The following OR8J1 variants were observed in gnomAD, a reference collection of about 807,000 sequenced individuals.
The protein encoded by OR8J1 is olfactory receptor family 8 subfamily J member 1, also known as olfactory receptor 8J1.
For missense variants in OR8J1, 400 were observed against 373.0 expected, an observed-to-expected ratio of 1.07 and a Z score of -0.60; for synonymous variants, 157 against 144.3, an observed-to-expected ratio of 1.09 and a Z score of -0.63.
At position 56,360,736 on chromosome 11, in the gene OR8J1, T is replaced by A. The variant is rs771484146; in HGVS notation, c.490T>A (p.Phe164Ile). The A allele has an allele frequency of 6.2e-7, 1 of 1,607,842 alleles. No homozygotes were observed. Among genetic ancestry groups the A allele is most frequent in the South Asian group, 1.1e-5 (1 of 90,168 alleles). The change falls in exon 2 of 2, where the codon TTC becomes ATC. Residue 164 changes from phenylalanine (F) to isoleucine (I), a missense_variant. Phe to Ile is a conservative substitution (Grantham distance 21). Transcript: ENST00000533152. ...STAIVVSSYV[F>I]SVSYCSSNII... ...AGCTATTGTGGTTTCATCTTATGTA[T>A]TCTCTGTGTCTTATTGCTCTTCTAA...
chr11:56,354,428 T>C lies in OR8J1; in HGVS notation c.-21+103T>C, dbSNP rs894790142. On this transcript the variant is annotated intron_variant, in intron 1 of 1. Transcript: ENST00000533152. ...AGCCAAGGTATGGTTTTGGATCTTT[T>C]AAAGCTCATTATACAGAAATATGAT... The C allele has an allele frequency of 3.9e-5, 6 of 152,220 alleles. No individual in the cohort carries two copies. The South Asian group carries it at 1.2e-3, about 32-fold the overall frequency. 9.4% of individuals were successfully genotyped at this position (152,220 alleles called of 1,614,324 possible).
At chr11:56,357,140 T>C (rs1854978686) in intron 1 of OR8J1, among the ~76,000 whole-genome samples, 1 of 152,170 alleles carries the variant, frequency 6.6e-6, no homozygotes, top group South Asian at 2.1e-4. Flanking sequence ...TTTTAAAATT[T>C]CCATTCCTGC....
intron 1 of OR8J1, chr11:56,358,160 A>G: frequency 2.8e-6 from 1 of 351,668 alleles, no homozygotes; most frequent in Non-Finnish European, 5.3e-6. Context: ...CAGAAGAAAG[A>G]TTGGGTAGCT....
intron 1 of OR8J1, among the ~76,000 whole-genome samples, chr11:56,358,904 G>T (rs1293357970): frequency 6.6e-6 from 1 of 152,098 alleles, no homozygotes. Flanking sequence ...TTTGGTTTGA[G>T]AATCAAACTG....
rs757014604 is a variant in OR8J1 at position 56,360,871 on chromosome 11, G to T, written c.625G>T (p.Gly209Cys). Residue 209 changes from glycine to cysteine, a missense_variant, in exon 2 of 2, where the codon GGT becomes TGT. Transcript: ENST00000533152. ...VFISAATNVV[G>C]SLIIVLVSYF... ...TATATCTGCAGCAACAAATGTGGTT[G>T]GTTCCTTGATTATAGTTCTAGTATC... The T allele has an allele frequency of 2.7e-6, 4 of 1,496,238 alleles. No individual in the cohort carries two copies. The highest frequency in any genetic ancestry group is 2.4e-5 in the Admixed American group (1 of 40,998). 92.7% of individuals were successfully genotyped at this position (1,496,238 alleles called of 1,614,324 possible).
chr11:56,355,485 G>A (rs1187903770), intron 1 of OR8J1, among the ~76,000 whole-genome samples: 1 of 151,960 alleles, frequency 6.6e-6, no homozygotes, highest in South Asian at 2.1e-4. Context: ...AAAATTAGCT[G>A]GATATGGTGG....
Position 56,360,462 on chromosome 11 carries a change from T to C in OR8J1, c.216T>C (p.Gly72=). The change falls in exon 2 of 2, where the codon GGT becomes GGC. Residue 72 remains glycine, a synonymous_variant. Coordinates refer to ENST00000533152, the MANE Select transcript of OR8J1 (RefSeq NM_001005205.3). The part of the protein sequence containing the change: ...FLQHLALINL[G]NSTVIAPKML... ...AACATCTGGCTCTCATTAATCTTGG[T>C]AACTCTACTGTCATTGCCCCTAAAA... is the stretch of plus-strand genomic sequence containing the variant. The C allele has an allele frequency of 1.2e-6, 2 of 1,614,166 alleles. No individual in the cohort carries two copies. The highest frequency in any genetic ancestry group is 1.7e-6 in the Non-Finnish European group (2 of 1,180,012).
chr11:56,360,211 C>T lies in OR8J1; in HGVS notation c.-20-16C>T, dbSNP rs946389427. On this transcript the variant is annotated splice_polypyrimidine_tract_variant and intron_variant, in intron 1 of 1. Coordinates refer to ENST00000533152, the MANE Select transcript of OR8J1 (RefSeq NM_001005205.3). ...TAATTCTTTAAAGTTTTTAACCTCT[C>T]TTTTCCCCCAAACAGATGAATTTCC... 2 of 1,509,534 alleles carry T rather than the reference C, an allele frequency of 1.3e-6. No individual in the cohort carries two copies. The highest frequency in any genetic ancestry group is 2.6e-5 in the South Asian group (2 of 75,656). The allele number at this position is 1,509,534 out of a possible 1,614,324, so 93.5% of individuals were successfully genotyped here. A position where few individuals can be genotyped will look rare whatever the true frequency, so the allele number is the denominator to read the frequency against.
At position 56,360,299 on chromosome 11, in the gene OR8J1, C is replaced by G. The variant is rs759396550; in HGVS notation, c.53C>G (p.Ser18Cys). 2 of 1,609,404 alleles carry G rather than the reference C, an allele frequency of 1.2e-6. No homozygotes were observed. The highest frequency in any genetic ancestry group is 1.7e-5 in the Admixed American group (1 of 58,836). ...RVTEFILTGVSSCPELQIPLF... is the reference protein window; with the variant it reads ...RVTEFILTGVCSCPELQIPLF... ...ACTGAGTTTATTCTTACAGGTGTCT[C>G]TAGCTGTCCAGAGCTCCAGATTCCC... Residue 18 changes from serine (S) to cysteine (C), a missense_variant, in exon 2 of 2, where the codon TCT becomes TGT. Ser to Cys is a moderately radical substitution (Grantham distance 112). Transcript: ENST00000533152.
chr11:56,357,517 CTTATGGCTGTATAGAGGG>C, intron 1 of OR8J1: 1 of 850,222 alleles, frequency 1.2e-6, no homozygotes, highest in South Asian at 1.3e-5. Context: ...TGTCAGATTG[CTTATGGCTGTATAGAGGG>C]GAATGTGATA....
chr11:56,360,149 G>A, intron 1 of OR8J1, 78 bp from the exon 2 acceptor site: 1 of 887,788 alleles, frequency 1.1e-6, no homozygotes. Context: ...AATGTTATCA[G>A]GGAATTGTCC....
intron 1 of OR8J1, chr11:56,357,491 A>T (rs989782625): frequency 1.2e-6 from 1 of 858,654 alleles, no homozygotes; most frequent in African/African-American, 1.6e-5. Flanking sequence ...TTCATGTAAT[A>T]AACAGATATA....
rs901506420 is a variant in OR8J1 at position 56,360,614 on chromosome 11, A to G, written c.368A>G (p.Tyr123Cys). ...CTGGCTTTGATGGCCTATGACCGCT[A>G]TGTGGCTATTTGTAACCCTCTGCTG... ...IMLALMAYDR[Y>C]VAICNPLLYM... The change falls in exon 2 of 2, where the codon TAT becomes TGT. Residue 123 changes from tyrosine to cysteine, a missense_variant. Physicochemically the swap from Tyr to Cys is radical, Grantham distance 194 (BLOSUM62 -2). Coordinates refer to ENST00000533152, the MANE Select transcript of OR8J1 (RefSeq NM_001005205.3). 3 of 1,613,176 alleles carry G rather than the reference A, an allele frequency of 1.9e-6. No homozygotes were observed. Among genetic ancestry groups the G allele is most frequent in the Non-Finnish European group, 1.7e-6 (2 of 1,179,658 alleles).
intron 1 of OR8J1, chr11:56,358,259 C>T (rs1399178276): frequency 4.6e-6 from 1 of 215,854 alleles, no homozygotes; most frequent in African/African-American, 2.3e-5. Flanking sequence ...CAGATAAAGA[C>T]AATAAACTTA....
chr11:56,361,391 AG>A lies in OR8J1; in HGVS notation c.*195del. 1 of 393,404 alleles carries A rather than the reference AG, an allele frequency of 2.5e-6. No individual in the cohort carries two copies. 24.4% of individuals were successfully genotyped at this position (393,404 alleles called of 1,614,324 possible). A position where few individuals can be genotyped will look rare whatever the true frequency, so the allele number is the denominator to read the frequency against. ...ACCCTTTGAGTTGTGAGGTTAAGTT[AG>A]AAAAAAAAAATGTTATTTACCAATT... On this transcript the variant is annotated 3_prime_UTR_variant, in exon 2 of 2. Transcript: ENST00000533152.
intron 1 of OR8J1, among the ~76,000 whole-genome samples, chr11:56,358,422 C>A (rs1418858778): frequency 6.6e-5 from 10 of 152,150 alleles, no homozygotes; most frequent in Non-Finnish European, 1.3e-4. Flanking sequence ...CTACCTCATA[C>A]CAGTATTTTC....
chr11:56,357,449 TA>T (rs1419315270), intron 1 of OR8J1: 1 of 896,498 alleles, frequency 1.1e-6, no homozygotes, highest in East Asian at 2.4e-5. Context: ...AGGATAAAAA[TA>T]AATACAACAC....
chr11:56,358,542 G>A (rs896028867), intron 1 of OR8J1, among the ~76,000 whole-genome samples: 4 of 151,946 alleles, frequency 2.6e-5, no homozygotes, highest in Non-Finnish European at 2.9e-5. Flanking sequence ...TTCTCAAGAA[G>A]GGCTTCCCAT....
intron 1 of OR8J1, chr11:56,357,651 C>T: frequency 6.5e-7 from 1 of 1,532,370 alleles, no homozygotes; most frequent in Non-Finnish European, 8.9e-7. Context: ...CTGCAGGCTT[C>T]TCAATAGGTT....
Sources: gnomAD v4.1 joint callset for allele counts (sites outside exome capture counted in the v4.1 genomes callset) on GRCh38, gnomAD v4.1.1 for gene constraint, MANE v1.5 for transcripts, NCBI Gene and HGNC (gene_info 2026-07-23, HGNC 2026-07-21) for gene names.